ABCC5: variants seen among roughly 807,000 people sequenced by gnomAD.
ABCC5 encodes ATP-binding cassette sub-family C member 5.
In ABCC5, 61 loss-of-function variants were observed where a neutral mutation model predicts 160.9. The ratio of observed to expected loss-of-function variants is 0.38; its 90% CI spans 0.31 to 0.47. The LOEUF is 0.47. ABCC5 is among the 20% of genes least tolerant of loss of function. The probability of loss-of-function intolerance (pLI) is 0.99; values close to 1 mark genes in which losing one functional copy is unlikely to be tolerated. For synonymous variants in ABCC5, 666 were observed against 700.6 expected, an observed-to-expected ratio of 0.95 and a Z score of 0.78; for missense variants, 1,308 against 1,813.3, an observed-to-expected ratio of 0.72 and a Z score of 5.06.
chr3:183,973,388 T>C (rs562464503), intron 10 of ABCC5, among the ~76,000 whole-genome samples: 230 of 152,124 alleles, frequency 1.5e-3, no homozygotes, highest in Non-Finnish European at 2.4e-3. Flanking sequence ...CAGAATGCTA[T>C]ACCAGTTGGA....
At chr3:183,924,038 T>C (rs1712278827) in intron 29 of ABCC5, among the ~76,000 whole-genome samples, 1 of 130,924 alleles carries the variant, frequency 7.6e-6, no homozygotes, top group Non-Finnish European at 1.6e-5. Context: ...TTTTTTGACA[T>C]GAGGTCTCAC....
intron 2 of ABCC5, among the ~76,000 whole-genome samples, chr3:184,010,182 G>T (rs1350663705): frequency 6.8e-6 from 1 of 146,156 alleles, no homozygotes; most frequent in Non-Finnish European, 1.5e-5. Context: ...CAGGAGAATT[G>T]CTTGAGCCCG....
chr3:183,949,827 G>T lies in ABCC5; in HGVS notation c.3153C>A (p.Leu1051=). 1 of 1,614,234 alleles carries T rather than the reference G, an allele frequency of 6.2e-7. No homozygotes were observed. The highest frequency in any genetic ancestry group is 8.5e-7 in the Non-Finnish European group (1 of 1,180,052). ...RLDNITQSPF[L]SHITSSIQGL... ...CCTGTATGCTGGACGTGATGTGGGA[G>T]AGGAAAGGTGACTGCGTGATATTGT... The change falls in exon 22 of 30, where the codon CTC becomes CTA. Residue 1051 remains leucine, a synonymous_variant. Transcript: ENST00000334444. This position sits in a 1 kb window ranked among gnomAD's most constrained non-coding sequence, Gnocchi z 4.2.
At chr3:183,977,691 T>C in intron 9 of ABCC5, 67 bp from the exon 10 acceptor site, 2 of 1,109,012 alleles carry the variant, frequency 1.8e-6, no homozygotes, top group East Asian at 2.5e-5. Context: ...CCTGACACCA[T>C]GAATTTCCTC....
At chr3:183,967,625 T>G (rs1717346038) in intron 12 of ABCC5, 70 bp downstream of exon 12, 2 of 1,346,742 alleles carry the variant, frequency 1.5e-6, no homozygotes, top group Non-Finnish European at 2.1e-6. Context: ...TCCAGGAAAT[T>G]TGTTCGTTTT....
chr3:183,974,395 C>T (rs1026985004), intron 10 of ABCC5, among the ~76,000 whole-genome samples: 5 of 152,202 alleles, frequency 3.3e-5, no homozygotes, highest in African/African-American at 4.8e-5. Flanking sequence ...GCAACCTCTG[C>T]CTCCCAGGTT....
At chr3:183,956,941 C>G (rs569541349) in intron 17 of ABCC5, among the ~76,000 whole-genome samples, 1 of 147,314 alleles carries the variant, frequency 6.8e-6, no homozygotes, top group African/African-American at 2.5e-5. Flanking sequence ...ACATCGGTTA[C>G]ATGCGGATCC....
intron 29 of ABCC5, among the ~76,000 whole-genome samples, chr3:183,922,074 T>TA (rs1223551249): frequency 8.4e-6 from 1 of 118,724 alleles, no homozygotes; most frequent in African/African-American, 2.9e-5. Flanking sequence ...AATAAATAAA[T>TA]AAATAAAAAA....
chr3:183,956,840 G>T (rs377309130), intron 17 of ABCC5, among the ~76,000 whole-genome samples: 3 of 37,678 alleles, frequency 8.0e-5, no homozygotes, highest in African/African-American at 2.1e-4. Context: ...AAATCACATC[G>T]GTTACATGCA....
chr3:183,973,577 C>A (rs34788375), intron 10 of ABCC5, among the ~76,000 whole-genome samples: 9,583 of 152,126 alleles, frequency 0.063, 317 homozygotes, highest in Middle Eastern at 0.092. Flanking sequence ...TCCCCAAAAA[C>A]AAACCCTTTC....
chr3:183,991,687 G>A (rs1454955770), intron 2 of ABCC5, among the ~76,000 whole-genome samples: 2 of 152,188 alleles, frequency 1.3e-5, no homozygotes, highest in East Asian at 3.8e-4. Flanking sequence ...CATGACAGGA[G>A]TCAACAACAA....
chr3:183,981,022 G>A (rs375071008), intron 8 of ABCC5, among the ~76,000 whole-genome samples: 9 of 152,206 alleles, frequency 5.9e-5, no homozygotes, highest in Admixed American at 2.6e-4. Flanking sequence ...CCTGAACACT[G>A]TATTTCTACT....
chr3:183,977,105 A>G (rs1345346551), intron 10 of ABCC5, among the ~76,000 whole-genome samples: 2 of 152,206 alleles, frequency 1.3e-5, no homozygotes, highest in African/African-American at 4.8e-5. Context: ...AGAAAGTATC[A>G]AAAAGGATTC....
chr3:183,951,337 C>T lies in ABCC5; in HGVS notation c.2944+104G>A. On this transcript the variant is annotated intron_variant, in intron 20 of 29. Coordinates refer to ENST00000334444, the MANE Select transcript of ABCC5 (RefSeq NM_005688.4). The surrounding 1 kb of genome is among the most constrained non-coding windows in gnomAD (Gnocchi z 4.7). ...TGAAAACACCAGCAGTCACTGTGCTCTCAGGATCTACAGACAGACAGATCT... is the reference window on the plus strand; with the variant it reads ...TGAAAACACCAGCAGTCACTGTGCTTTCAGGATCTACAGACAGACAGATCT... 6.8e-7 allele frequency: 1 copy of T among 1,460,740 alleles called. No homozygotes were observed. Among genetic ancestry groups the T allele is most frequent in the Non-Finnish European group, 9.2e-7 (1 of 1,084,956 alleles). The allele number at this position is 1,460,740 out of a possible 1,614,324, so 90.5% of individuals were successfully genotyped here.
chr3:183,939,446 C>T (rs2108777624), intron 25 of ABCC5, among the ~76,000 whole-genome samples: 1 of 152,166 alleles, frequency 6.6e-6, no homozygotes, highest in Admixed American at 6.5e-5. Flanking sequence ...CAAAACAAAA[C>T]AAAAGCATTG....
At chr3:183,938,510 G>T (rs1336129455) in intron 25 of ABCC5, among the ~76,000 whole-genome samples, 1 of 152,134 alleles carries the variant, frequency 6.6e-6, no homozygotes, top group Non-Finnish European at 1.5e-5. Flanking sequence ...TATTGGCCAG[G>T]TTGGTCTCAA....
At position 183,977,114 on chromosome 3, in the gene ABCC5, T is replaced by C. The variant is rs74703497; in HGVS notation, c.1404+403A>G. ...GGAAAAAGAAAGTATCAAAAAGGATTCAGCATGTCAATCAATCAAAGTGAC... is the reference window on the plus strand; with the variant it reads ...GGAAAAAGAAAGTATCAAAAAGGATCCAGCATGTCAATCAATCAAAGTGAC... On this transcript the variant is annotated intron_variant, in intron 10 of 29. Transcript: ENST00000334444. Among the ~76,000 whole-genome samples, 60 of 152,266 alleles carry C rather than the reference T, an allele frequency of 3.9e-4. No individual in the cohort carries two copies. The East Asian group carries it at 9.7e-3, about 25-fold the overall frequency.
At chr3:183,922,602 C>T (rs1478206928) in intron 29 of ABCC5, among the ~76,000 whole-genome samples, 74 of 152,214 alleles carry the variant, frequency 4.9e-4, no homozygotes, top group Non-Finnish European at 5.9e-5. Flanking sequence ...TCTATGTAGC[C>T]GTGGAAAATC....
rs367645465 is a variant in ABCC5, at chr3:183,929,740, G to A, written c.3855-915C>T. ...ATCAGAGTTGATACCAAAAGAACGA[G>A]ACTAGAAATTTTTTTTTTTACAGGC... On this transcript the variant is annotated intron_variant, in intron 26 of 29. Coordinates refer to ENST00000334444, the MANE Select transcript of ABCC5 (RefSeq NM_005688.4). Among the ~76,000 whole-genome samples, 40 of 152,236 alleles carry A rather than the reference G, an allele frequency of 2.6e-4. No individual in the cohort carries two copies. In the South Asian group the frequency reaches 8.1e-3, roughly 31 times the overall value.
Sources: allele counts gnomAD v4.1 joint callset (sites outside exome capture counted in the v4.1 genomes callset), GRCh38; gene constraint gnomAD v4.1.1; non-coding constraint Gnocchi (gnomAD v3.1); transcripts MANE v1.5; gene names NCBI Gene and HGNC (gene_info 2026-07-23, HGNC 2026-07-21).